The following ADAMTS5 variants were observed in gnomAD, a reference collection of about 807,000 sequenced individuals.
The protein encoded by ADAMTS5 is ADAM metallopeptidase with thrombospondin type 1 motif 5.
Under a neutral mutation model 81.4 loss-of-function variants are expected in ADAMTS5, and 54 were observed. The observed-to-expected ratio is 0.66, with a 90% CI of 0.53 to 0.83. ADAMTS5 has a LOEUF of 0.83. Among genes scored for constraint, ADAMTS5 ranks in the 40% least tolerant of loss-of-function variants. The pLI is 0.00. For synonymous variants in ADAMTS5, 532 were observed against 508.8 expected, an observed-to-expected ratio of 1.05 and a Z score of -0.61; for missense variants, 1,194 against 1,229.9, an observed-to-expected ratio of 0.97 and a Z score of 0.44.
chr21:26,934,924 C>A (rs376123003), intron 3 of ADAMTS5, among the ~76,000 whole-genome samples, 175 bp from the exon 4 acceptor site: 36 of 152,198 alleles, frequency 2.4e-4, no homozygotes, highest in African/African-American at 8.2e-4. Flanking sequence ...CCCCCTTGGA[C>A]GCACCAGACC....
In ADAMTS5 at chr21:26,964,323, G is replaced by C. The variant is rs555128992; in HGVS notation, c.1104+965C>G. On this transcript the variant is annotated intron_variant, in intron 1 of 7. Coordinates refer to ENST00000284987, the MANE Select transcript of ADAMTS5 (RefSeq NM_007038.5). ...CTTTTTGTGTAAATGTCACACTAACGTAGTGGTCAAATACTGTGTAAATAG... is the reference window on the plus strand; with the variant it reads ...CTTTTTGTGTAAATGTCACACTAACCTAGTGGTCAAATACTGTGTAAATAG... Among the ~76,000 whole-genome samples the C allele has an allele frequency of 2.6e-5, 4 of 152,278 alleles. No homozygotes were observed. The South Asian group carries it at 6.2e-4, about 24-fold the overall frequency.
rs1987397267 is a variant in ADAMTS5, at chr21:26,955,017, T to C, written c.1105-146A>G. On this transcript the variant is annotated intron_variant, in intron 1 of 7. Transcript: ENST00000284987. ...CTCTGGAAACGTTCCAAAGGCAAAC[T>C]CAAGGCAGAGACTCTTCTGAACTGC... 6.2e-6 allele frequency: 6 copies of C among 960,328 alleles called. No homozygotes were observed. In the East Asian group the frequency reaches 1.6e-4, roughly 25 times the overall value. 59.5% of individuals were successfully genotyped at this position (960,328 alleles called of 1,614,324 possible).
At chr21:26,939,627 C>T (rs1476205809) in intron 3 of ADAMTS5, 1 of 152,234 alleles carries the variant, frequency 6.6e-6, no homozygotes, top group Non-Finnish European at 1.5e-5. Context: ...TTTTCCTTAG[C>T]AACCTGTGTT....
intron 3 of ADAMTS5, among the ~76,000 whole-genome samples, chr21:26,940,328 G>A (rs162488): frequency 0.24 from 36,720 of 151,898 alleles, 5,296 homozygotes; most frequent in Admixed American, 0.32. Context: ...CCTTTATACT[G>A]GTCACAGTTT....
chr21:26,928,716 TC>T (rs1986851280), intron 7 of ADAMTS5, among the ~76,000 whole-genome samples: 1 of 151,532 alleles, frequency 6.6e-6, no homozygotes, highest in African/African-American at 2.4e-5. Flanking sequence ...TCTTTCTTTC[TC>T]TCTTTCTTCT....
At chr21:26,953,207 C>T (rs456729) in intron 2 of ADAMTS5, among the ~76,000 whole-genome samples, 1 of 152,190 alleles carries the variant, frequency 6.6e-6, no homozygotes, top group Non-Finnish European at 1.5e-5. Flanking sequence ...CTCAAAGTAT[C>T]TAAATCACTT....
intron 2 of ADAMTS5, among the ~76,000 whole-genome samples, chr21:26,952,597 G>A (rs1987342366): frequency 6.6e-6 from 1 of 152,334 alleles, no homozygotes; most frequent in Non-Finnish European, 1.5e-5. Context: ...TGCAGTCAAT[G>A]TGTGAAAACC....
intron 2 of ADAMTS5, among the ~76,000 whole-genome samples, chr21:26,950,744 G>C (rs991771839): frequency 1.3e-5 from 2 of 152,144 alleles, no homozygotes; most frequent in Non-Finnish European, 2.9e-5. Context: ...TTTCATAATT[G>C]TTCATTTTTA....
At position 26,923,979 on chromosome 21, in the gene ADAMTS5, G is replaced by T; in HGVS notation, c.*74C>A. On this transcript the variant is annotated 3_prime_UTR_variant, in exon 8 of 8. Transcript: ENST00000284987. Reference sequence around the variant, plus strand: ...AGCATGACTTTCTGTGCGTTAGGTAGACCTCCTGTTCACCACGACTGCATC... The same window carrying T: ...AGCATGACTTTCTGTGCGTTAGGTATACCTCCTGTTCACCACGACTGCATC... 2 of 1,433,234 alleles carry T rather than the reference G, an allele frequency of 1.4e-6. No homozygotes were observed. Among genetic ancestry groups the T allele is most frequent in the Non-Finnish European group, 1.9e-6 (2 of 1,065,740 alleles). 88.8% of individuals were successfully genotyped at this position (1,433,234 alleles called of 1,614,324 possible).
At position 26,966,529 on chromosome 21, in the gene ADAMTS5, G is replaced by A. The variant is rs553670008; in HGVS notation, c.-138C>T. ...TTGAGTCAAGTGTCGGAGGGAGGGG[G>A]GCCCGGCAGCAGCGCCAGCCTGTCC... is the stretch of plus-strand genomic sequence containing the variant. On this transcript the variant is annotated 5_prime_UTR_variant, in exon 1 of 8. Transcript: ENST00000284987. The A allele has an allele frequency of 7.6e-3, 6,531 of 855,998 alleles. 47 individuals are homozygous for A. Among genetic ancestry groups the A allele is most frequent in the Non-Finnish European group, 9.4e-3 (5,793 of 619,542 alleles). 53.0% of individuals were successfully genotyped at this position (855,998 alleles called of 1,614,324 possible).
In ADAMTS5 at chr21:26,921,858, G is replaced by C. The variant is rs1322976358; in HGVS notation, c.*2195C>G. 6.6e-6 allele frequency: 1 copy of C among 152,388 alleles called. No homozygotes were observed. The highest frequency in any genetic ancestry group is 1.5e-5 in the Non-Finnish European group (1 of 67,952). 9.4% of individuals were successfully genotyped at this position (152,388 alleles called of 1,614,324 possible). ...GATAAACCATATTAAAAATGTATGA[G>C]TATAGTAAGAGAAGCAGAGTAGGAG... On this transcript the variant is annotated 3_prime_UTR_variant, in exon 8 of 8. Transcript: ENST00000284987.
At chr21:26,963,258 T>C (rs961846094) in intron 1 of ADAMTS5, among the ~76,000 whole-genome samples, 6 of 152,032 alleles carry the variant, frequency 3.9e-5, no homozygotes, top group Admixed American at 6.5e-5. Flanking sequence ...AATATGCTGT[T>C]AAGTTTCAGA....
At chr21:26,957,092 A>G (rs1449522167) in intron 1 of ADAMTS5, among the ~76,000 whole-genome samples, 2 of 152,246 alleles carry the variant, frequency 1.3e-5, no homozygotes, top group Non-Finnish European at 2.9e-5. Context: ...GCAAACAGTT[A>G]CAGTTTCAGC....
rs574480312 is a variant in ADAMTS5 at position 26,927,765 on chromosome 21, C to A, written c.2225+2121G>T. Among the ~76,000 whole-genome samples, 14 of 151,870 alleles carry A rather than the reference C, an allele frequency of 9.2e-5. No individual in the cohort carries two copies. The South Asian group carries it at 2.9e-3, about 32-fold the overall frequency. ...AAGATGAGATTGAGGAGCAAAGGAT[C>A]CAGAGGTCAGCGAGAAGACTGCAGT... On this transcript the variant is annotated intron_variant, in intron 7 of 7. Coordinates refer to ENST00000284987, the MANE Select transcript of ADAMTS5 (RefSeq NM_007038.5).
chr21:26,918,539 G>C lies in ADAMTS5; in HGVS notation c.*5514C>G, dbSNP rs1267286213. On this transcript the variant is annotated 3_prime_UTR_variant, in exon 8 of 8. Coordinates refer to ENST00000284987, the MANE Select transcript of ADAMTS5 (RefSeq NM_007038.5). ...ACTAATAGGTCATACAAATACGTAA[G>C]TAGTGTTTTTCAACTCGTAATTGTA... 1.3e-5 allele frequency: 2 copies of C among 152,002 alleles called. No homozygotes were observed. Among genetic ancestry groups the C allele is most frequent in the Non-Finnish European group, 2.9e-5 (2 of 67,936 alleles). The allele number at this position is 152,002 out of a possible 1,614,324, so 9.4% of individuals were successfully genotyped here.
At chr21:26,926,786 T>G (rs1381555500) in intron 7 of ADAMTS5, among the ~76,000 whole-genome samples, 1 of 152,130 alleles carries the variant, frequency 6.6e-6, no homozygotes, top group Non-Finnish European at 1.5e-5. Flanking sequence ...TAAATGAAAT[T>G]AAATTCTGGT....
At chr21:26,944,996 C>T (rs2123188435) in intron 2 of ADAMTS5, among the ~76,000 whole-genome samples, 1 of 152,230 alleles carries the variant, frequency 6.6e-6, no homozygotes, top group Non-Finnish European at 1.5e-5. Context: ...GAAGTTCTCC[C>T]ACCACCACTT....
chr21:26,952,590 A>C (rs898575809), intron 2 of ADAMTS5, among the ~76,000 whole-genome samples: 1 of 152,214 alleles, frequency 6.6e-6, no homozygotes, highest in Non-Finnish European at 1.5e-5. Context: ...TCCCAGATGC[A>C]GTCAATGTGT....
intron 7 of ADAMTS5, among the ~76,000 whole-genome samples, chr21:26,929,351 C>T (rs1986863791): frequency 6.6e-6 from 1 of 152,026 alleles, no homozygotes; most frequent in Non-Finnish European, 1.5e-5. Context: ...AAATCTAGGA[C>T]CATAAGAGGA....
Sources: gnomAD v4.1 joint callset for allele counts (sites outside exome capture counted in the v4.1 genomes callset) on GRCh38, gnomAD v4.1.1 for gene constraint, MANE v1.5 for transcripts, NCBI Gene and HGNC (gene_info 2026-07-23, HGNC 2026-07-21) for gene names.